EPB41L2: variants seen among roughly 807,000 people sequenced by gnomAD.
The protein encoded by EPB41L2 is erythrocyte membrane protein band 4.1 like 2.
Under a neutral mutation model 113.0 loss-of-function variants are expected in EPB41L2, and 43 were observed. The ratio of observed to expected loss-of-function variants is 0.38; its 90% CI spans 0.30 to 0.49. EPB41L2 has a LOEUF of 0.49. EPB41L2 is among the 20% of genes least tolerant of loss of function. EPB41L2 has a pLI of 0.95. For missense variants in EPB41L2, 1,147 were observed against 1,223.4 expected, an observed-to-expected ratio of 0.94 and a Z score of 0.93; for synonymous variants, 442 against 436.7, an observed-to-expected ratio of 1.01 and a Z score of -0.15.
intron 3 of EPB41L2, among the ~76,000 whole-genome samples, chr6:130,947,127 A>G (rs1198299497): frequency 6.6e-6 from 1 of 150,734 alleles, no homozygotes; most frequent in Non-Finnish European, 1.5e-5. Flanking sequence ...TGACTTTACA[A>G]CCTCTGGTCC....
intron 11 of EPB41L2, 37 bp from the exon 12 acceptor site, chr6:130,885,305 A>G: frequency 1.2e-6 from 2 of 1,605,542 alleles, no homozygotes; most frequent in Middle Eastern, 1.7e-4. Flanking sequence ...ATTTTAGGAC[A>G]TATGAATCAT....
At position 130,858,197 on chromosome 6, in the gene EPB41L2, A is replaced by G. The variant is rs1412603236; in HGVS notation, c.2957T>C (p.Met986Thr). ...IREAREQHPD[M>T]SVTRVVVHKE... is the part of the protein sequence containing the mutation. ...GTGTACCACCACTCTTGTGACCGAC[A>G]TGTCAGGGTGCTGCTCTCTGGCTTC... The change falls in exon 19 of 20, where the codon ATG (methionine) becomes ACG (threonine). Residue 986 changes from methionine to threonine, a missense_variant. By Grantham distance (81) the Met-to-Thr change is moderately conservative. Coordinates refer to ENST00000337057, the MANE Select transcript of EPB41L2 (RefSeq NM_001431.4). The G allele has an allele frequency of 6.2e-6, 10 of 1,613,978 alleles. No individual in the cohort carries two copies. The highest frequency in any genetic ancestry group is 8.5e-6 in the Non-Finnish European group (10 of 1,179,902).
intron 19 of EPB41L2, among the ~76,000 whole-genome samples, chr6:130,849,620 A>C (rs1778172441): frequency 6.6e-6 from 1 of 152,196 alleles, no homozygotes; most frequent in African/African-American, 2.4e-5. Context: ...TAGACACCTG[A>C]ATAGGAAAAT....
At chr6:131,007,663 G>T (rs1785910572) in intron 1 of EPB41L2, among the ~76,000 whole-genome samples, 1 of 152,176 alleles carries the variant, frequency 6.6e-6, no homozygotes, top group South Asian at 2.1e-4. Flanking sequence ...TCCAAGCTGA[G>T]GTGGTCTCAG....
chr6:130,988,014 G>T (rs1780977913), intron 1 of EPB41L2, among the ~76,000 whole-genome samples: 1 of 152,080 alleles, frequency 6.6e-6, no homozygotes, highest in African/African-American at 2.4e-5. Flanking sequence ...TACTCAGGAG[G>T]CTGAGGTGGA....
At chr6:130,936,370 C>T (rs2128574590) in intron 3 of EPB41L2, among the ~76,000 whole-genome samples, 1 of 152,256 alleles carries the variant, frequency 6.6e-6, no homozygotes, top group Admixed American at 6.5e-5. Flanking sequence ...TCTCTTCTGA[C>T]CCTCCAACAG....
At chr6:130,904,610 G>A in intron 5 of EPB41L2, 70 bp from the exon 6 acceptor site, 2 of 1,079,820 alleles carry the variant, frequency 1.9e-6, no homozygotes, top group Non-Finnish European at 2.7e-6. Flanking sequence ...AAAATTTAAA[G>A]GTCAAGGATC....
chr6:130,954,692 T>C (rs1185040104), intron 3 of EPB41L2, among the ~76,000 whole-genome samples: 1 of 152,210 alleles, frequency 6.6e-6, no homozygotes, highest in Non-Finnish European at 1.5e-5. Context: ...TGTTTTTTAA[T>C]TAAATGAAAG....
At chr6:130,959,681 T>TA (rs1308549846) in intron 1 of EPB41L2, among the ~76,000 whole-genome samples, 1 of 152,256 alleles carries the variant, frequency 6.6e-6, no homozygotes, top group Non-Finnish European at 1.5e-5. Flanking sequence ...TTTCCTTCTT[T>TA]AACATACCAT....
intron 1 of EPB41L2, among the ~76,000 whole-genome samples, chr6:130,980,505 A>G (rs186449137): frequency 6.6e-6 from 1 of 151,956 alleles, no homozygotes; most frequent in Non-Finnish European, 1.5e-5. Context: ...AGAGAACAGT[A>G]ATGGGAAATA....
At chr6:130,989,066 G>A (rs1207954404) in intron 1 of EPB41L2, among the ~76,000 whole-genome samples, 2 of 149,506 alleles carry the variant, frequency 1.3e-5, no homozygotes, top group African/African-American at 2.5e-5. Context: ...TCCAGCCTGG[G>A]AGATAAAGTG....
intron 6 of EPB41L2, among the ~76,000 whole-genome samples, chr6:130,903,468 C>T (rs139386125): frequency 6.6e-6 from 1 of 151,634 alleles, no homozygotes; most frequent in Non-Finnish European, 1.5e-5. Flanking sequence ...TGCTATTTCA[C>T]ATGGATATTA....
In EPB41L2 at chr6:130,954,998, CTG is replaced by C. The variant is rs559768768; in HGVS notation, c.705+105_705+106del. 7.6e-4 allele frequency: 713 copies of C among 944,344 alleles called. 1 individual carries two copies. Among genetic ancestry groups the C allele is most frequent in the Middle Eastern group, 1.2e-3 (5 of 4,186 alleles). 58.5% of individuals were successfully genotyped at this position (944,344 alleles called of 1,614,324 possible). On this transcript the variant is annotated intron_variant, in intron 3 of 19. Transcript: ENST00000337057. ...TCAATGTATTTTTTTTAGTGCAAAA[CTG>C]TAATCAACTGGCTTACAGGAACTTA...
Position 130,875,981 on chromosome 6 carries a change from T to C in EPB41L2, c.2043+2123A>G, listed in dbSNP as rs151141230. 8.8e-3 allele frequency among the ~76,000 whole-genome samples: 966 copies of C among 110,258 alleles called. 15 individuals are homozygous for C. The highest frequency in any genetic ancestry group is 0.026 in the African/African-American group (932 of 36,062). The allele number at this position is 110,258 out of a possible 152,430, so 72.3% of individuals were successfully genotyped here. On this transcript the variant is annotated intron_variant, in intron 14 of 19. Coordinates refer to ENST00000337057, the MANE Select transcript of EPB41L2 (RefSeq NM_001431.4). Reference sequence around the variant, plus strand: ...GCCCGGGCGAATGTGCAAGAGTGCATCTCAAAAAAAAAAAAAAGAAGAAAG... The same window carrying C: ...GCCCGGGCGAATGTGCAAGAGTGCACCTCAAAAAAAAAAAAAAGAAGAAAG...
chr6:130,858,776 G>C (rs1422911880), intron 18 of EPB41L2, among the ~76,000 whole-genome samples: 1 of 152,222 alleles, frequency 6.6e-6, no homozygotes, highest in African/African-American at 2.4e-5. Flanking sequence ...TAAAATGTTT[G>C]CTGAACTAAA....
intron 17 of EPB41L2, among the ~76,000 whole-genome samples, chr6:130,863,990 C>G (rs1782935505): frequency 6.6e-6 from 1 of 152,206 alleles, no homozygotes; most frequent in African/African-American, 2.4e-5. Context: ...TGGCATCTGT[C>G]CCATCTTAAT....
rs374970416 is a variant in EPB41L2 at position 130,863,654 on chromosome 6, T to C, written c.2894A>G (p.Asp965Gly). ...CTTATTTACCTGGTCATGATCAATA[T>C]CTCCATCTCCTGTGATCACAATGCG... ...EKRIVITGDG[D>G]IDHDQALAQA... Residue 965 changes from aspartate (D) to glycine (G), a missense_variant, in exon 18 of 20, where the codon GAT becomes GGT. Coordinates refer to ENST00000337057, the MANE Select transcript of EPB41L2 (RefSeq NM_001431.4). The C allele has an allele frequency of 5.0e-6, 8 of 1,612,090 alleles. No homozygotes were observed. Among genetic ancestry groups the C allele is most frequent in the Middle Eastern group, 1.6e-4 (1 of 6,082 alleles).
chr6:130,929,821 G>A (rs1298747474), intron 3 of EPB41L2, among the ~76,000 whole-genome samples: 10 of 146,152 alleles, frequency 6.8e-5, no homozygotes, highest in Admixed American at 4.1e-4. Context: ...ATAGAATCAC[G>A]ACTTCCCTCA....
In EPB41L2 at chr6:131,026,123, A is replaced by G. The variant is rs536956487; in HGVS notation, c.-15+37032T>C. On this transcript the variant is annotated intron_variant, in intron 1 of 19. Coordinates refer to ENST00000337057, the MANE Select transcript of EPB41L2 (RefSeq NM_001431.4). ...TTTAGGAACTTAGTCCCTTCTAGCAAGAATAGCCTTATTGAGTGGACAGGC... is the reference window on the plus strand; with the variant it reads ...TTTAGGAACTTAGTCCCTTCTAGCAGGAATAGCCTTATTGAGTGGACAGGC... Among the ~76,000 whole-genome samples the G allele has an allele frequency of 1.8e-3, 273 of 152,320 alleles. 1 individual carries two copies. The highest frequency in any genetic ancestry group is 3.2e-3 in the Non-Finnish European group (218 of 68,028).
Sources: gnomAD v4.1 joint callset for allele counts (sites outside exome capture counted in the v4.1 genomes callset) on GRCh38, gnomAD v4.1.1 for gene constraint, MANE v1.5 for transcripts, NCBI Gene and HGNC (gene_info 2026-07-23, HGNC 2026-07-21) for gene names.